Variants in PSMD4 observed in about 807,000 individuals in gnomAD.
PSMD4 encodes 26S proteasome non-ATPase regulatory subunit 4.
In PSMD4, 5 loss-of-function variants were observed where a neutral mutation model predicts 39.7. The ratio of observed to expected loss-of-function variants is 0.13; its 90% confidence interval spans 0.07 to 0.26. The LOEUF (loss-of-function observed/expected upper bound fraction) is 0.26, where lower values mean the gene tolerates loss of function less well. Among genes scored for constraint, PSMD4 ranks in the 10% least tolerant of loss-of-function variants. The pLI is 1.00. For missense variants in PSMD4, 272 were observed against 486.1 expected, an observed-to-expected ratio of 0.56 and a Z score of 4.14; for synonymous variants, 143 against 174.6, an observed-to-expected ratio of 0.82 and a Z score of 1.43.
chr1:151,266,476 G>A (rs976863629), intron 8 of PSMD4, 37 bp downstream of exon 8: 1 of 1,614,206 alleles, frequency 6.2e-7, no homozygotes. Flanking sequence ...GGCAGAGGTT[G>A]GGGTGAGGAA....
rs145356138 is a variant in PSMD4 at position 151,256,952 on chromosome 1, T to C, written c.26+2144T>C. ...TTAGTAGAGACCAGGTTTCTCCATG[T>C]TGGTCAGGCTGGTCTCGAACTCCCA... On this transcript the variant is annotated intron_variant, in intron 1 of 9. Coordinates refer to ENST00000368884, the MANE Select transcript of PSMD4 (RefSeq NM_002810.4). Among the ~76,000 whole-genome samples, 1,102 of 151,996 alleles carry C rather than the reference T, an allele frequency of 7.3e-3. 18 individuals are homozygous for C. The highest frequency in any genetic ancestry group is 0.025 in the African/African-American group (1,044 of 41,428).
At chr1:151,255,770 A>C (rs998731188) in intron 1 of PSMD4, among the ~76,000 whole-genome samples, 1 of 151,898 alleles carries the variant, frequency 6.6e-6, no homozygotes, top group Admixed American at 6.6e-5. Flanking sequence ...TGTCTCCCGG[A>C]CTGGAGTGCA....
At chr1:151,255,175 AG>A (rs1693134700) in intron 1 of PSMD4, among the ~76,000 whole-genome samples, 1 of 152,270 alleles carries the variant, frequency 6.6e-6, no homozygotes, top group Non-Finnish European at 1.5e-5. Flanking sequence ...TTAGGAAAAT[AG>A]ATTATTAATC....
rs1169747380 is a variant in PSMD4 at position 151,256,353 on chromosome 1, AAAATAATAAT to A, written c.26+1549_26+1558del. ...AGTGAGACTCCCTCTCAAAAAAAAA[AAAATAATAAT>A]AAAATAAATAAATAAATAAATAAAT... is the stretch of plus-strand genomic sequence containing the variant. On this transcript the variant is annotated intron_variant, in intron 1 of 9. Transcript: ENST00000368884. Among the ~76,000 whole-genome samples, 109 of 116,378 alleles carry A rather than the reference AAAATAATAAT, an allele frequency of 9.4e-4. 1 individual carries two copies. Among genetic ancestry groups the A allele is most frequent in the South Asian group, 1.2e-3 (4 of 3,438 alleles). The allele number at this position is 116,378 out of a possible 152,430, so 76.3% of individuals were successfully genotyped here.
At position 151,267,208 on chromosome 1, in the gene PSMD4, G is replaced by C. The variant is rs756189475; in HGVS notation, c.999G>C (p.Glu333Asp). The change falls in exon 10 of 10, where the codon GAG (glutamate) becomes GAC (aspartate). Residue 333 changes from glutamate to aspartate, a missense_variant. By Grantham distance (45) the Glu-to-Asp change is conservative. This residue lies in a region of PSMD4 where 113 missense variants were observed against 184.6 expected (regional missense o/e 0.61). Transcript: ENST00000368884. The stretch of plus-strand genomic sequence containing the variant: ...ATTACGACGTGATGCAGGACCCCGA[G>C]TTCCTTCAGAGTGTCCTAGAGAACC... ...EDDYDVMQDP[E>D]FLQSVLENLP... is the part of the protein sequence containing the mutation. 6.2e-7 allele frequency: 1 copy of C among 1,613,950 alleles called. No homozygotes were observed.
intron 1 of PSMD4, among the ~76,000 whole-genome samples, chr1:151,261,314 T>C (rs1693314589): frequency 6.6e-6 from 1 of 151,820 alleles, no homozygotes; most frequent in African/African-American, 2.4e-5. Context: ...TAGCTGGGAT[T>C]ACAGGCATGT....
At chr1:151,265,009 G>T (rs1205384419) in intron 4 of PSMD4, 91 bp downstream of exon 4, 2 of 1,368,790 alleles carry the variant, frequency 1.5e-6, no homozygotes, top group African/African-American at 1.4e-5. Context: ...GAGGCATCAG[G>T]CTCATCACTT....
At position 151,265,145 on chromosome 1, in the gene PSMD4, T is replaced by G. The variant is rs778906817; in HGVS notation, c.370-21T>G. ...CTCGAGTATGGAACAGATTTCTTGA[T>G]TTTTCTCCCCTTCTTCCCAGCTGGT... On this transcript the variant is annotated intron_variant, in intron 4 of 9. Coordinates refer to ENST00000368884, the MANE Select transcript of PSMD4 (RefSeq NM_002810.4). 4.4e-6 allele frequency: 7 copies of G among 1,598,910 alleles called. No homozygotes were observed. The Admixed American group carries it at 1.0e-4, about 24-fold the overall frequency.
At chr1:151,264,102 C>T in intron 3 of PSMD4, 74 bp downstream of exon 3, 1 of 1,173,076 alleles carries the variant, frequency 8.5e-7, no homozygotes, top group South Asian at 1.4e-5. Context: ...CATTTCTCCC[C>T]TGGAATCCTG....
chr1:151,266,455 G>A lies in PSMD4; in HGVS notation c.895+16G>A, dbSNP rs770581105. 1.9e-6 allele frequency: 3 copies of A among 1,614,086 alleles called. No homozygotes were observed. The highest frequency in any genetic ancestry group is 2.7e-5 in the African/African-American group (2 of 74,922). ...CAGGGAGCAGGTGAGCCAGAGCCTG[G>A]GTGGTGCCTAGGCAGAGGTTGGGGT... On this transcript the variant is annotated intron_variant, in intron 8 of 9. Coordinates refer to ENST00000368884, the MANE Select transcript of PSMD4 (RefSeq NM_002810.4).
intron 9 of PSMD4, 110 bp downstream of exon 9, chr1:151,266,697 G>T: frequency 1.6e-6 from 2 of 1,275,140 alleles, no homozygotes; most frequent in Non-Finnish European, 2.2e-6. Flanking sequence ...GGAGCAGAGG[G>T]AAACACATGG....
intron 1 of PSMD4, among the ~76,000 whole-genome samples, chr1:151,259,881 TA>T (rs1693275365): frequency 6.6e-6 from 1 of 151,294 alleles, no homozygotes; most frequent in African/African-American, 2.4e-5. Context: ...ATGCCCAGCC[TA>T]AAAAATAGAT....
In PSMD4 at chr1:151,265,581, A is replaced by T; in HGVS notation, c.626A>T (p.Asp209Val). The change falls in exon 6 of 10, where the codon GAT (aspartate) becomes GTT (valine). Residue 209 changes from aspartate to valine, a missense_variant. By Grantham distance (152) the Asp-to-Val change is radical (BLOSUM62 -3). Coordinates refer to ENST00000368884, the MANE Select transcript of PSMD4 (RefSeq NM_002810.4). ...LGASDFEFGVDPSADPELALA... is the reference protein window; with the variant it reads ...LGASDFEFGVVPSADPELALA... ...GCCAGTGACTTTGAATTTGGAGTAG[A>T]TCCCAGTGCTGATCCTGAGCTGGCC... 6.2e-7 allele frequency: 1 copy of T among 1,613,970 alleles called. No homozygotes were observed. Among genetic ancestry groups the T allele is most frequent in the Non-Finnish European group, 8.5e-7 (1 of 1,179,962 alleles).
chr1:151,262,297 G>A lies in PSMD4; in HGVS notation c.163G>A (p.Ala55Thr). 6.2e-7 allele frequency: 1 copy of A among 1,614,152 alleles called. No homozygotes were observed. The highest frequency in any genetic ancestry group is 1.1e-5 in the South Asian group (1 of 91,072). The change falls in exon 2 of 10, where the codon GCT becomes ACT. Residue 55 changes from alanine (A) to threonine (T), a missense_variant. Physicochemically the swap from Ala to Thr is moderately conservative, Grantham distance 58. Transcript: ENST00000368884. ...PENNVGLITL[A>T]NDCEVLTTLT... ...GAACAACGTGGGCCTTATCACACTGGCTAAGTATGGGGGACAGAGGAGGAG... is the reference window on the plus strand; with the variant it reads ...GAACAACGTGGGCCTTATCACACTGACTAAGTATGGGGGACAGAGGAGGAG...
Position 151,267,261 on chromosome 1 carries a change from C to A in PSMD4, c.1052C>A (p.Ala351Asp). Residue 351 changes from alanine (A) to aspartate (D), a missense_variant, in exon 10 of 10, where the codon GCC (alanine) becomes GAC (aspartate). Ala to Asp is a moderately radical substitution (Grantham distance 126, BLOSUM62 -2). Transcript: ENST00000368884. The stretch of plus-strand genomic sequence containing the variant: ...CCAGGTGTGGATCCCAACAATGAAG[C>A]CATTCGAAATGCTATGGGCTCCCTG... Reference protein sequence around the residue: ...NLPGVDPNNEAIRNAMGSLAS... With the variant: ...NLPGVDPNNEDIRNAMGSLAS... 1 of 1,613,732 alleles carries A rather than the reference C, an allele frequency of 6.2e-7. No homozygotes were observed. The highest frequency in any genetic ancestry group is 1.1e-5 in the South Asian group (1 of 91,058).
rs758724756 is a variant in PSMD4, at chr1:151,265,159, T to G, written c.370-7T>G. The stretch of plus-strand genomic sequence containing the variant: ...AGATTTCTTGATTTTTCTCCCCTTC[T>G]TCCCAGCTGGTGAAACTGGCTAAAC... On this transcript the variant is annotated splice_polypyrimidine_tract_variant and splice_region_variant and intron_variant, in intron 4 of 9. Transcript: ENST00000368884. 3.7e-6 allele frequency: 6 copies of G among 1,607,176 alleles called. No homozygotes were observed. Among genetic ancestry groups the G allele is most frequent in the Middle Eastern group, 1.7e-4 (1 of 6,016 alleles).
intron 1 of PSMD4, among the ~76,000 whole-genome samples, chr1:151,255,750 G>A (rs994627895): frequency 6.6e-6 from 1 of 151,572 alleles, no homozygotes; most frequent in African/African-American, 2.4e-5. Flanking sequence ...TTTTTGAGAC[G>A]GTCTCGCTCT....
Position 151,263,793 on chromosome 1 carries a change from G to T in PSMD4, c.168-121G>T, listed in dbSNP as rs748089206. ...TTGCAGTGACCCGAGATCACGCCAC[G>T]CACTCCAGCCTGGGTGACAGAGTGA... On this transcript the variant is annotated intron_variant, in intron 2 of 9. Coordinates refer to ENST00000368884, the MANE Select transcript of PSMD4 (RefSeq NM_002810.4). 1.6e-5 allele frequency: 10 copies of T among 624,404 alleles called. No individual in the cohort carries two copies. The Admixed American group carries it at 3.0e-4, about 19-fold the overall frequency. The allele number at this position is 624,404 out of a possible 1,614,324, so 38.7% of individuals were successfully genotyped here.
chr1:151,266,690 G>A (rs587650410), intron 9 of PSMD4, 103 bp downstream of exon 9: 2 of 1,348,170 alleles, frequency 1.5e-6, no homozygotes, highest in East Asian at 2.5e-5. Flanking sequence ...CCTTTGAGGA[G>A]CAGAGGGAAA....
Sources: gnomAD v4.1 joint callset for allele counts (sites outside exome capture counted in the v4.1 genomes callset) on GRCh38, gnomAD v4.1.1 for gene constraint, gnomAD v4.1.1 regional missense constraint, MANE v1.5 for transcripts, NCBI Gene and HGNC (gene_info 2026-07-23, HGNC 2026-07-21) for gene names.